DLC1: variants seen among roughly 807,000 people sequenced by gnomAD.
The protein encoded by DLC1 is rho GTPase-activating protein 7.
DLC1 carries 54 observed loss-of-function variants against 140.3 expected under a neutral mutation model. The observed-to-expected ratio is 0.38, with a 90% confidence interval of 0.31 to 0.48. The LOEUF (loss-of-function observed/expected upper bound fraction) is 0.48, where lower values mean the gene tolerates loss of function less well. Ranked by LOEUF, DLC1 falls within the 20% of genes least tolerant of loss-of-function variation. The pLI is 0.96. For synonymous variants in DLC1, 986 were observed against 728.1 expected (o/e 1.35, Z -5.70); for missense variants, 2,536 against 1,907.0 (o/e 1.33, Z -6.14).
At chr8:13,153,864 G>A (rs1824033171) in intron 5 of DLC1, among the ~76,000 whole-genome samples, 1 of 152,152 alleles carries the variant, frequency 6.6e-6, no homozygotes, top group Non-Finnish European at 1.5e-5. Flanking sequence ...AGTGCTGATT[G>A]GTGTATTTAC....
chr8:13,086,358 G>C lies in DLC1; in HGVS notation c.4398C>G (p.Ser1466=). ...VVGVRVNVLL[S]RYLIEPCGPG... ...GCCCACAGGGTTCAATCAAATACCTGGACAAGAGCACATTAACCCTCACAC... is the reference window on the plus strand; with the variant it reads ...GCCCACAGGGTTCAATCAAATACCTCGACAAGAGCACATTAACCCTCACAC... The change falls in exon 17 of 18, where the codon TCC becomes TCG. Residue 1466 remains serine (S), a synonymous_variant. Transcript: ENST00000276297. The C allele has an allele frequency of 1.9e-6, 3 of 1,614,198 alleles. No individual in the cohort carries two copies. The highest frequency in any genetic ancestry group is 2.5e-6 in the Non-Finnish European group (3 of 1,180,050).
chr8:13,567,021 G>A (rs1478726499), intron 1 of DLC1: 22 of 1,550,752 alleles, frequency 1.4e-5, no homozygotes, highest in Admixed American at 3.9e-5. Flanking sequence ...TGGCCCAAAC[G>A]GACAAAAGTG....
intron 4 of DLC1, among the ~76,000 whole-genome samples, chr8:13,330,301 G>T (rs1470957678): frequency 2.0e-5 from 3 of 152,120 alleles, no homozygotes; most frequent in Admixed American, 6.5e-5. Flanking sequence ...TTGGCTGGTT[G>T]ACTCATCTGA....
At chr8:13,091,764 G>T (rs191630631) in intron 13 of DLC1, among the ~76,000 whole-genome samples, 1 of 152,252 alleles carries the variant, frequency 6.6e-6, no homozygotes, top group East Asian at 1.9e-4. Context: ...TGGGAAAGGA[G>T]TCCCAGGGAG....
At chr8:13,407,941 T>G in intron 2 of DLC1, among the ~76,000 whole-genome samples, 1 of 152,204 alleles carries the variant, frequency 6.6e-6, no homozygotes, top group East Asian at 1.9e-4. Flanking sequence ...TTCTAGACTT[T>G]CCTTTCTTAA....
intron 3 of DLC1, among the ~76,000 whole-genome samples, chr8:13,400,325 A>G (rs1438588517): frequency 6.6e-6 from 1 of 152,150 alleles, no homozygotes; most frequent in Non-Finnish European, 1.5e-5. Context: ...TATGCCTCCC[A>G]ACGAGCCATT....
intron 1 of DLC1, among the ~76,000 whole-genome samples, chr8:13,506,063 G>T (rs1330431260): frequency 2.1e-5 from 3 of 143,990 alleles, no homozygotes; most frequent in Admixed American, 2.1e-4. Context: ...ATGTGTGTGT[G>T]TATATATAAA....
intron 1 of DLC1, among the ~76,000 whole-genome samples, chr8:13,585,373 A>G (rs1805264083): frequency 6.6e-6 from 1 of 152,168 alleles, no homozygotes; most frequent in African/African-American, 2.4e-5. Context: ...AGACCAGACT[A>G]GGAAACATAG....
chr8:13,180,813 T>C (rs1310163676), intron 5 of DLC1, among the ~76,000 whole-genome samples: 1 of 152,228 alleles, frequency 6.6e-6, no homozygotes, highest in African/African-American at 2.4e-5. Context: ...ATCTAACTCC[T>C]TTAAATATTG....
chr8:13,518,426 C>T (rs1440050588), upstream of DLC1, among the ~76,000 whole-genome samples: 7 of 152,248 alleles, frequency 4.6e-5, no homozygotes, highest in East Asian at 5.8e-4. Flanking sequence ...CTCTTTTCTA[C>T]TTAGGTACTT....
At chr8:13,415,062 T>G (rs1470571638) in intron 2 of DLC1, among the ~76,000 whole-genome samples, 1 of 152,148 alleles carries the variant, frequency 6.6e-6, no homozygotes, top group Non-Finnish European at 1.5e-5. Context: ...TTTGCCCACC[T>G]TGGCCTCCTA....
At chr8:13,506,801 T>C (rs1374256217) in intron 1 of DLC1, among the ~76,000 whole-genome samples, 1 of 152,016 alleles carries the variant, frequency 6.6e-6, no homozygotes, top group African/African-American at 2.4e-5. Flanking sequence ...GTTTCTAAAA[T>C]GCTCTCTCAG....
intron 4 of DLC1, among the ~76,000 whole-genome samples, chr8:13,391,324 C>T (rs1445101939): frequency 1.3e-5 from 2 of 152,182 alleles, no homozygotes; most frequent in Non-Finnish European, 2.9e-5. Flanking sequence ...GACTAGAAAG[C>T]TCTGCTTGTA....
chr8:13,355,781 C>A (rs1274040052), intron 4 of DLC1, among the ~76,000 whole-genome samples: 1 of 151,972 alleles, frequency 6.6e-6, no homozygotes, highest in East Asian at 1.9e-4. Flanking sequence ...TGTACTGATT[C>A]ATTTTCAAAA....
At chr8:13,370,348 G>A (rs1460223269) in intron 4 of DLC1, among the ~76,000 whole-genome samples, 1 of 152,116 alleles carries the variant, frequency 6.6e-6, no homozygotes, top group East Asian at 1.9e-4. Flanking sequence ...TACAGTAGGT[G>A]TTTGATGAGC....
intron 5 of DLC1, among the ~76,000 whole-genome samples, chr8:13,155,113 C>T (rs1420813558): frequency 4.8e-5 from 7 of 145,842 alleles, no homozygotes; most frequent in Non-Finnish European, 1.1e-4. Context: ...TCTATGCAAA[C>T]TTTCTACAAC....
intron 5 of DLC1, among the ~76,000 whole-genome samples, chr8:13,204,347 C>A (rs1827551047): frequency 6.6e-6 from 1 of 152,260 alleles, no homozygotes; most frequent in Middle Eastern, 3.4e-3. Context: ...CATTCACTTT[C>A]TGTTACTTGC....
intron 1 of DLC1, among the ~76,000 whole-genome samples, chr8:13,539,207 G>GTATT (rs1563428184): frequency 1.8e-3 from 279 of 151,988 alleles, no homozygotes; most frequent in African/African-American, 6.4e-3. Flanking sequence ...ATGTATGTAT[G>GTATT]TATTTATTTT....
intron 1 of DLC1, among the ~76,000 whole-genome samples, chr8:13,574,814 A>C (rs142295077): frequency 3.4e-4 from 52 of 152,292 alleles, no homozygotes; most frequent in Middle Eastern, 3.4e-3. Context: ...TTCCAGCCTC[A>C]GAACTGTTTA....
Sources: allele counts gnomAD v4.1 joint callset (sites outside exome capture counted in the v4.1 genomes callset), GRCh38; gene constraint gnomAD v4.1.1; transcripts MANE v1.5; gene names NCBI Gene and HGNC (gene_info 2026-07-23, HGNC 2026-07-21).